TRMT11: variants seen among roughly 807,000 people sequenced by gnomAD.
TRMT11 encodes tRNA (guanine(10)-N(2))-methyltransferase TRMT11.
Under a neutral mutation model 62.8 loss-of-function variants are expected in TRMT11, and 53 were observed. That is an observed-to-expected ratio of 0.84 (90% CI 0.68 to 1.06). The LOEUF (loss-of-function observed/expected upper bound fraction) is 1.06, where lower values mean the gene tolerates loss of function less well. TRMT11 is among the 50% of genes least tolerant of loss of function. TRMT11 has a pLI of 0.00. For missense variants in TRMT11, 556 were observed against 553.4 expected, an observed-to-expected ratio of 1.00 and a Z score of -0.05; for synonymous variants, 188 against 190.3, an observed-to-expected ratio of 0.99 and a Z score of 0.10.
At chr6:126,198,616 G>C (rs1778698760) in intron 1 of TRMT11, among the ~76,000 whole-genome samples, 1 of 152,174 alleles carries the variant, frequency 6.6e-6, no homozygotes, top group Non-Finnish European at 1.5e-5. Context: ...AACTAGACGG[G>C]ATTAGACCAC....
intron 3 of TRMT11, among the ~76,000 whole-genome samples, chr6:126,201,148 C>G (rs1778730967): frequency 6.6e-6 from 1 of 152,178 alleles, no homozygotes; most frequent in African/African-American, 2.4e-5. Flanking sequence ...TCCTTGGTTA[C>G]TGCATGGTCC....
chr6:126,150,755 T>C (rs1240172100), intron 21 of TRMT11, among the ~76,000 whole-genome samples: 1 of 152,234 alleles, frequency 6.6e-6, no homozygotes, highest in East Asian at 1.9e-4. Flanking sequence ...CATATTGCTC[T>C]TCCTGAATTC....
intron 17 of TRMT11, among the ~76,000 whole-genome samples, chr6:126,077,018 A>G (rs1035698247): frequency 6.6e-5 from 10 of 152,328 alleles, no homozygotes; most frequent in African/African-American, 2.4e-4. Flanking sequence ...CCATGGCAGC[A>G]TAAAGACATA....
the TRMT11 span, among the ~76,000 whole-genome samples, chr6:126,269,186 C>G: frequency 2.7e-5 from 4 of 146,214 alleles, no homozygotes; most frequent in Non-Finnish European, 6.0e-5. Flanking sequence ...ATGGCGTGAA[C>G]CCGGGAGGCG....
intron 1 of TRMT11, chr6:125,987,301 G>T (rs1045710425): frequency 6.6e-6 from 1 of 152,286 alleles, no homozygotes; most frequent in African/African-American, 2.4e-5. Context: ...AGGGCTTCCA[G>T]AGGAGATGAC....
intron 17 of TRMT11, among the ~76,000 whole-genome samples, chr6:126,067,402 T>C (rs1485828430): frequency 6.6e-6 from 1 of 152,220 alleles, no homozygotes; most frequent in East Asian, 1.9e-4. Context: ...CCTTCATTGC[T>C]TACCCATATA....
rs73771411 is a variant in TRMT11 at position 126,194,332 on chromosome 6, G to C, written n.144-4467G>C. Among the ~76,000 whole-genome samples, 371 of 152,136 alleles carry C rather than the reference G, an allele frequency of 2.4e-3. 2 individuals are homozygous for C. Among genetic ancestry groups the C allele is most frequent in the African/African-American group, 8.5e-3 (351 of 41,500 alleles). ...TGTGCTTTATATGTTTGAGTTCTTC[G>C]GTATTGGATGAATACATGTTTATTC... On this transcript the variant is annotated intron_variant and non_coding_transcript_variant, in intron 1 of 3. Transcript: ENST00000444229.
chr6:125,995,261 G>C (rs1329915342), intron 2 of TRMT11, among the ~76,000 whole-genome samples: 1 of 152,166 alleles, frequency 6.6e-6, no homozygotes, highest in Admixed American at 6.5e-5. Flanking sequence ...CACTTATTGA[G>C]GGGAGGAGGA....
intron 1 of TRMT11, among the ~76,000 whole-genome samples, chr6:126,178,624 A>G (rs1490932017): frequency 6.6e-6 from 1 of 152,224 alleles, no homozygotes; most frequent in Non-Finnish European, 1.5e-5. Flanking sequence ...GTGAAAGACA[A>G]GTTGATTGAA....
chr6:126,214,471 A>G, the TRMT11 span, among the ~76,000 whole-genome samples: 1 of 151,968 alleles, frequency 6.6e-6, no homozygotes, highest in Non-Finnish European at 1.5e-5. Context: ...GGTAGGCTGT[A>G]TGTGTCTAGC....
intron 21 of TRMT11, among the ~76,000 whole-genome samples, chr6:126,122,652 T>C (rs947137982): frequency 6.6e-6 from 1 of 152,140 alleles, no homozygotes; most frequent in Non-Finnish European, 1.5e-5. Context: ...ACTCATTCTC[T>C]TAGCTTTAGA....
At chr6:126,212,288 G>C in the TRMT11 span, among the ~76,000 whole-genome samples, 1 of 152,118 alleles carries the variant, frequency 6.6e-6, no homozygotes, top group Non-Finnish European at 1.5e-5. Flanking sequence ...TATATACCTA[G>C]CAGTGGGATT....
At chr6:126,054,989 G>C in intron 17 of TRMT11, among the ~76,000 whole-genome samples, 1 of 152,274 alleles carries the variant, frequency 6.6e-6, no homozygotes, top group Non-Finnish European at 1.5e-5. Context: ...TTTTGAGACA[G>C]GGTCTGGCTC....
intron 17 of TRMT11, among the ~76,000 whole-genome samples, chr6:126,077,299 T>C (rs1777049287): frequency 6.6e-6 from 1 of 152,196 alleles, no homozygotes; most frequent in South Asian, 2.1e-4. Context: ...CATGTAAAAC[T>C]AACAGAGCAA....
chr6:126,051,045 T>TG (rs573217798), intron 16 of TRMT11, among the ~76,000 whole-genome samples: 51 of 152,322 alleles, frequency 3.3e-4, no homozygotes, highest in African/African-American at 1.2e-3. Flanking sequence ...GCCCTGGGGC[T>TG]GGGGCGTGGG....
intron 12 of TRMT11, among the ~76,000 whole-genome samples, chr6:126,027,981 A>G (rs1269595240): frequency 1.3e-5 from 2 of 152,208 alleles, no homozygotes; most frequent in African/African-American, 4.8e-5. Flanking sequence ...GATAGTTTAC[A>G]TATTAGAATG....
chr6:126,249,968 A>G, the TRMT11 span, among the ~76,000 whole-genome samples: 12 of 152,206 alleles, frequency 7.9e-5, no homozygotes, highest in African/African-American at 2.9e-4. Context: ...AATGTCAGGC[A>G]CAATGAGCAC....
At chr6:126,165,427 C>T (rs1778247060) in intron 21 of TRMT11, among the ~76,000 whole-genome samples, 1 of 152,060 alleles carries the variant, frequency 6.6e-6, no homozygotes. Context: ...AATGGTTTTT[C>T]CTTTCCATAT....
intron 8 of TRMT11, chr6:126,008,753 T>C (rs770243931): frequency 5.5e-5 from 33 of 597,252 alleles, no homozygotes; most frequent in Non-Finnish European, 9.4e-5. Flanking sequence ...AAAGTAAGTA[T>C]AACAGTAGGC....
Sources: allele counts gnomAD v4.1 joint callset (sites outside exome capture counted in the v4.1 genomes callset), GRCh38; gene constraint gnomAD v4.1.1; transcripts MANE v1.5; gene names NCBI Gene and HGNC (gene_info 2026-07-23, HGNC 2026-07-21).